RMDN2: variants seen among roughly 807,000 people sequenced by gnomAD.
The protein encoded by RMDN2 is regulator of microtubule dynamics protein 2.
Under a neutral mutation model 52.8 loss-of-function variants are expected in RMDN2, and 61 were observed. That is an observed-to-expected ratio of 1.16 (90% CI 0.94 to 1.43). The LOEUF (loss-of-function observed/expected upper bound fraction) is 1.43. Among genes scored for constraint, RMDN2 ranks in the 40% most tolerant of loss-of-function variants. The pLI, the probability that RMDN2 is intolerant of heterozygous loss-of-function variation, is 0.00. For synonymous variants in RMDN2, 180 were observed against 153.1 expected (o/e 1.18, Z -1.30); for missense variants, 592 against 475.3 (o/e 1.25, Z -2.28).
chr2:38,063,015 C>T (rs191674498), intron 10 of RMDN2, among the ~76,000 whole-genome samples: 305 of 152,038 alleles, frequency 2.0e-3, no homozygotes, highest in Non-Finnish European at 3.5e-3. Flanking sequence ...TCCAGTCTAT[C>T]GTTGTTGGAC....
intron 2 of RMDN2, among the ~76,000 whole-genome samples, chr2:37,936,538 A>G (rs147834596): frequency 6.6e-6 from 1 of 152,320 alleles, no homozygotes; most frequent in African/African-American, 2.4e-5. Flanking sequence ...GTTTCTCCAC[A>G]TCCTCTCCAA....
chr2:38,062,801 T>A, intron 10 of RMDN2, among the ~76,000 whole-genome samples: 1 of 129,312 alleles, frequency 7.7e-6, no homozygotes, highest in Non-Finnish European at 1.6e-5. Flanking sequence ...CAGTGTGTGA[T>A]GTTCCCCTTC....
chr2:38,028,551 T>G (rs1331473172), intron 10 of RMDN2, among the ~76,000 whole-genome samples: 5 of 152,216 alleles, frequency 3.3e-5, no homozygotes, highest in Non-Finnish European at 7.3e-5. Context: ...AGTAATGGCA[T>G]GTAGCAACTT....
chr2:37,968,962 A>G (rs1671440990), intron 2 of RMDN2, among the ~76,000 whole-genome samples: 1 of 152,120 alleles, frequency 6.6e-6, no homozygotes, highest in Non-Finnish European at 1.5e-5. Flanking sequence ...GAACTTTCTT[A>G]TAAGTTTCTG....
At chr2:37,999,127 G>A (rs1177055429) in intron 8 of RMDN2, among the ~76,000 whole-genome samples, 1 of 152,168 alleles carries the variant, frequency 6.6e-6, no homozygotes, top group Non-Finnish European at 1.5e-5. Context: ...AGATGCTAAT[G>A]TGCCTGAAAT....
At chr2:38,014,412 G>C (rs956757530) in intron 10 of RMDN2, among the ~76,000 whole-genome samples, 2 of 152,122 alleles carry the variant, frequency 1.3e-5, no homozygotes, top group Non-Finnish European at 2.9e-5. Flanking sequence ...GGTCTTGGTT[G>C]TATTGTTTAA....
chr2:38,006,021 A>C (rs540049478), intron 10 of RMDN2, among the ~76,000 whole-genome samples: 1 of 152,166 alleles, frequency 6.6e-6, no homozygotes, highest in East Asian at 1.9e-4. Flanking sequence ...GTAGATATGC[A>C]GCATTATTTC....
chr2:38,033,613 C>T (rs980625971), intron 10 of RMDN2, among the ~76,000 whole-genome samples: 2 of 152,250 alleles, frequency 1.3e-5, no homozygotes, highest in African/African-American at 4.8e-5. Flanking sequence ...CATTCATTCT[C>T]CGCATAGATT....
chr2:38,020,978 T>C (rs1259830688), downstream of RMDN2, among the ~76,000 whole-genome samples: 2 of 152,236 alleles, frequency 1.3e-5, no homozygotes, highest in East Asian at 3.9e-4. Context: ...CTCCTGAGTC[T>C]GGTGGGGACT....
intron 8 of RMDN2, among the ~76,000 whole-genome samples, chr2:38,002,534 T>C (rs562266184): frequency 2.0e-5 from 3 of 152,366 alleles, no homozygotes; most frequent in East Asian, 1.9e-4. Context: ...TTCAGTTTTA[T>C]GTATTTGTGT....
chr2:37,939,268 A>G (rs972924466), intron 2 of RMDN2, among the ~76,000 whole-genome samples: 1 of 151,842 alleles, frequency 6.6e-6, no homozygotes, highest in African/African-American at 2.4e-5. Context: ...GACTGTTATG[A>G]TTTCCATTCT....
intron 2 of RMDN2, among the ~76,000 whole-genome samples, chr2:37,958,984 C>T (rs1669845280): frequency 6.6e-6 from 1 of 151,022 alleles, no homozygotes; most frequent in Non-Finnish European, 1.5e-5. Context: ...GAACCAGCCT[C>T]GCATCCTTAG....
intron 2 of RMDN2, among the ~76,000 whole-genome samples, chr2:37,968,166 C>T (rs530980047): frequency 2.0e-5 from 3 of 152,182 alleles, no homozygotes; most frequent in Non-Finnish European, 2.9e-5. Context: ...CAAGGCCAAG[C>T]ATGGTGGCTC....
intron 10 of RMDN2, among the ~76,000 whole-genome samples, chr2:38,051,233 C>T (rs541502154): frequency 2.0e-5 from 3 of 146,426 alleles, no homozygotes; most frequent in Non-Finnish European, 3.0e-5. Context: ...TGCAAATTCA[C>T]CGTAAAAACA....
chr2:38,022,249 A>G, downstream of RMDN2, among the ~76,000 whole-genome samples: 1 of 152,248 alleles, frequency 6.6e-6, no homozygotes, highest in African/African-American at 2.4e-5. Flanking sequence ...TATTTTCTAA[A>G]AACTGAGTGA....
At chr2:37,979,129 A>G (rs934856533) in intron 4 of RMDN2, among the ~76,000 whole-genome samples, 1 of 152,216 alleles carries the variant, frequency 6.6e-6, no homozygotes, top group Admixed American at 6.5e-5. Context: ...GTTCATTCAG[A>G]TATTGAAATA....
intron 2 of RMDN2, among the ~76,000 whole-genome samples, chr2:37,941,733 A>T (rs186077718): frequency 6.6e-6 from 1 of 152,172 alleles, no homozygotes; most frequent in East Asian, 1.9e-4. Flanking sequence ...GTAATGGTGG[A>T]TGCCCCTTCC....
At chr2:37,923,200 C>A (rs1485826674), upstream of RMDN2, 1 of 152,186 alleles carries the variant, frequency 6.6e-6, no homozygotes, top group East Asian at 1.9e-4. Context: ...TACAGCTTTG[C>A]CAAGGTCAAT....
chr2:37,991,535 T>C (rs368838873), intron 7 of RMDN2, among the ~76,000 whole-genome samples: 3 of 152,046 alleles, frequency 2.0e-5, no homozygotes, highest in Admixed American at 2.0e-4. Context: ...AAACTTGTAA[T>C]TTATATATAT....
Sources: allele counts gnomAD v4.1 joint callset (sites outside exome capture counted in the v4.1 genomes callset), GRCh38; gene constraint gnomAD v4.1.1; transcripts MANE v1.5; gene names NCBI Gene and HGNC (gene_info 2026-07-23, HGNC 2026-07-21).